LHFPL2: variants seen among roughly 807,000 people sequenced by gnomAD.
LHFPL2 encodes the protein LHFPL tetraspan subfamily member 2, also known as LHFPL tetraspan subfamily member 2 protein.
A neutral mutation model predicts 17.5 loss-of-function variants in LHFPL2; 7 were observed. That is an observed-to-expected ratio of 0.40 (90% CI 0.23 to 0.75). LHFPL2 has a LOEUF of 0.75. Among genes scored for constraint, LHFPL2 ranks in the 30% least tolerant of loss-of-function variants. The pLI, the probability that LHFPL2 is intolerant of heterozygous loss-of-function variation, is 0.37. For missense variants in LHFPL2, 241 were observed against 294.8 expected, an observed-to-expected ratio of 0.82 and a Z score of 1.34; for synonymous variants, 134 against 116.2, an observed-to-expected ratio of 1.15 and a Z score of -0.99.
chr5:78,576,504 C>A (rs1228516987), intron 2 of LHFPL2, among the ~76,000 whole-genome samples: 1 of 152,104 alleles, frequency 6.6e-6, no homozygotes, highest in Non-Finnish European at 1.5e-5. Context: ...GCTCATGAAC[C>A]ATGAGCTGTG....
intron 2 of LHFPL2, among the ~76,000 whole-genome samples, chr5:78,583,230 T>G (rs1474946569): frequency 2.6e-5 from 4 of 151,712 alleles, no homozygotes; most frequent in Non-Finnish European, 5.9e-5. Context: ...TCTTGACTCT[T>G]TATCCAATTT....
chr5:78,630,090 C>T (rs918347308), intron 2 of LHFPL2, among the ~76,000 whole-genome samples: 3 of 152,204 alleles, frequency 2.0e-5, no homozygotes, highest in Admixed American at 1.3e-4. Context: ...ACACACACCT[C>T]GTGAGCCCCT....
At chr5:78,512,859 C>A (rs1755179246) in intron 3 of LHFPL2, among the ~76,000 whole-genome samples, 1 of 151,592 alleles carries the variant, frequency 6.6e-6, no homozygotes, top group South Asian at 2.1e-4. Context: ...CTCTGCCTCC[C>A]CTCTCCTGCC....
At chr5:78,499,130 GTCT>G (rs753500742) in intron 4 of LHFPL2, among the ~76,000 whole-genome samples, 1 of 152,128 alleles carries the variant, frequency 6.6e-6, no homozygotes, top group Non-Finnish European at 1.5e-5. Context: ...TTCTGGAAAG[GTCT>G]TCTATAGTAA....
rs1755065551 is a variant in LHFPL2, at chr5:78,510,124, A to G, written c.90T>C (p.Ser30=). 1.2e-6 allele frequency: 2 copies of G among 1,613,180 alleles called. No homozygotes were observed. The highest frequency in any genetic ancestry group is 1.1e-5 in the South Asian group (1 of 91,064). Reference sequence around the variant, plus strand: ...TCGCTTTCCCGATCAGCCAGTCTGCACTCATGAAGGCAATGAGCTCGGCAA... The same window carrying G: ...TCGCTTTCCCGATCAGCCAGTCTGCGCTCATGAAGGCAATGAGCTCGGCAA... ...VAFAELIAFM[S]ADWLIGKARS... is the part of the protein sequence containing the mutation. The change falls in exon 4 of 5, where the codon AGT becomes AGC. Residue 30 remains serine, a synonymous_variant. Transcript: ENST00000380345.
At chr5:78,622,445 G>T (rs1744887454) in intron 2 of LHFPL2, among the ~76,000 whole-genome samples, 1 of 152,202 alleles carries the variant, frequency 6.6e-6, no homozygotes, top group Non-Finnish European at 1.5e-5. Flanking sequence ...CCATCTTGCA[G>T]ATGAGAAGAC....
chr5:78,617,362 C>G (rs567860632), intron 2 of LHFPL2, among the ~76,000 whole-genome samples: 1 of 152,264 alleles, frequency 6.6e-6, no homozygotes, highest in East Asian at 1.9e-4. Flanking sequence ...GAACTCCACA[C>G]TTATGTGAAA....
At chr5:78,497,196 G>A (rs913507196) in intron 4 of LHFPL2, among the ~76,000 whole-genome samples, 1 of 152,116 alleles carries the variant, frequency 6.6e-6, no homozygotes, top group Non-Finnish European at 1.5e-5. Flanking sequence ...TATCGGCAAA[G>A]CCTGTGGGCC....
chr5:78,634,715 C>G (rs1219641117), intron 1 of LHFPL2, among the ~76,000 whole-genome samples: 2 of 152,176 alleles, frequency 1.3e-5, no homozygotes, highest in African/African-American at 4.8e-5. Flanking sequence ...CCTTTCCAAT[C>G]CAAAGAGGCA....
At chr5:78,554,008 G>C (rs1431115653) in intron 3 of LHFPL2, among the ~76,000 whole-genome samples, 1 of 152,210 alleles carries the variant, frequency 6.6e-6, no homozygotes, top group Non-Finnish European at 1.5e-5. Context: ...CCCCATTTCA[G>C]GATCAGTGGT....
intron 1 of LHFPL2, among the ~76,000 whole-genome samples, chr5:78,646,100 A>T (rs1468380581): frequency 6.6e-6 from 1 of 152,246 alleles, no homozygotes; most frequent in Non-Finnish European, 1.5e-5. Context: ...CCATTGCAAC[A>T]GGACATGTAG....
intron 2 of LHFPL2, among the ~76,000 whole-genome samples, chr5:78,628,055 C>G (rs980750705): frequency 6.6e-6 from 1 of 152,136 alleles, no homozygotes; most frequent in Non-Finnish European, 1.5e-5. Flanking sequence ...CTGTTCCTGA[C>G]CACAGTGCCC....
At chr5:78,595,231 T>C (rs1423387220) in intron 2 of LHFPL2, among the ~76,000 whole-genome samples, 1 of 152,230 alleles carries the variant, frequency 6.6e-6, no homozygotes, top group African/African-American at 2.4e-5. Flanking sequence ...AGACAGACTA[T>C]ATTTTTACAA....
intron 2 of LHFPL2, among the ~76,000 whole-genome samples, chr5:78,610,658 T>C (rs1324925398): frequency 6.6e-6 from 1 of 152,174 alleles, no homozygotes; most frequent in African/African-American, 2.4e-5. Context: ...GTGCCATCAG[T>C]AGTCCCGCTG....
At chr5:78,639,105 T>C (rs572063728) in intron 1 of LHFPL2, among the ~76,000 whole-genome samples, 6 of 152,266 alleles carry the variant, frequency 3.9e-5, no homozygotes, top group Middle Eastern at 3.4e-3. Context: ...CAGACTATCC[T>C]AAGAGGCCCC....
chr5:78,577,522 C>A (rs1434308983), intron 2 of LHFPL2, among the ~76,000 whole-genome samples: 1 of 152,146 alleles, frequency 6.6e-6, no homozygotes, highest in Non-Finnish European at 1.5e-5. Context: ...AAACTGGCAA[C>A]TGGAACAACA....
chr5:78,632,639 G>T (rs1039402409), intron 1 of LHFPL2, among the ~76,000 whole-genome samples: 1 of 152,182 alleles, frequency 6.6e-6, no homozygotes, highest in African/African-American at 2.4e-5. Flanking sequence ...TGATTAGGAA[G>T]GTCTTCTATA....
intron 3 of LHFPL2, among the ~76,000 whole-genome samples, chr5:78,551,420 G>A (rs974652244): frequency 2.0e-5 from 3 of 152,132 alleles, no homozygotes. Flanking sequence ...GTTGGTAATT[G>A]GGCCTACTGT....
chr5:78,606,606 A>T (rs1744219044), intron 2 of LHFPL2, among the ~76,000 whole-genome samples: 1 of 152,158 alleles, frequency 6.6e-6, no homozygotes, highest in Admixed American at 6.5e-5. Flanking sequence ...GCGGGGGTGA[A>T]ATGTGAATTA....
Sources: allele counts gnomAD v4.1 joint callset (sites outside exome capture counted in the v4.1 genomes callset), GRCh38; gene constraint gnomAD v4.1.1; transcripts MANE v1.5; gene names NCBI Gene and HGNC (gene_info 2026-07-23, HGNC 2026-07-21).